The following PPP1R9A variants were observed in gnomAD, a reference collection of about 807,000 sequenced individuals.
PPP1R9A encodes protein phosphatase 1 regulatory subunit 9A.
A neutral mutation model predicts 141.9 loss-of-function variants in PPP1R9A; 59 were observed. The observed-to-expected ratio is 0.42, with a 90% CI of 0.34 to 0.52. The LOEUF (loss-of-function observed/expected upper bound fraction) is 0.52. PPP1R9A is among the 20% of genes least tolerant of loss of function. The pLI is 0.10. For missense variants in PPP1R9A, 1,444 were observed against 1,611.9 expected (o/e 0.90, Z 1.78); for synonymous variants, 500 against 569.7 (o/e 0.88, Z 1.74).
intron 2 of PPP1R9A, among the ~76,000 whole-genome samples, chr7:95,021,125 C>T (rs1337078572): frequency 6.6e-6 from 1 of 152,180 alleles, no homozygotes; most frequent in Non-Finnish European, 1.5e-5. Context: ...TCCACATCCT[C>T]TCCAGCATCT....
At chr7:95,103,976 C>T (rs1191192928) in intron 2 of PPP1R9A, among the ~76,000 whole-genome samples, 3 of 152,014 alleles carry the variant, frequency 2.0e-5, no homozygotes, top group Non-Finnish European at 4.4e-5. Context: ...CTAGGTATTT[C>T]AATCATGAAT....
intron 4 of PPP1R9A, among the ~76,000 whole-genome samples, chr7:95,125,239 C>G (rs567348491): frequency 1.3e-5 from 2 of 152,204 alleles, no homozygotes; most frequent in African/African-American, 4.8e-5. Context: ...CCTCAGCCTC[C>G]CAAGTAACTG....
intron 2 of PPP1R9A, among the ~76,000 whole-genome samples, chr7:94,919,038 C>A (rs1319471908): frequency 6.6e-6 from 1 of 152,200 alleles, no homozygotes; most frequent in Non-Finnish European, 1.5e-5. Flanking sequence ...GAGAGGATGG[C>A]TGAACAACTC....
chr7:94,977,724 T>C (rs1423211798), intron 2 of PPP1R9A, among the ~76,000 whole-genome samples: 1 of 151,824 alleles, frequency 6.6e-6, no homozygotes, highest in Non-Finnish European at 1.5e-5. Context: ...GGCTAGGTGG[T>C]GAAGGATGAC....
chr7:94,930,071 C>G (rs1793963466), intron 2 of PPP1R9A, among the ~76,000 whole-genome samples: 2 of 152,002 alleles, frequency 1.3e-5, no homozygotes, highest in Admixed American at 1.3e-4. Context: ...GTCTTTGATC[C>G]AATAGTTGCA....
At chr7:95,000,582 T>G (rs1395967488) in intron 2 of PPP1R9A, among the ~76,000 whole-genome samples, 2 of 152,158 alleles carry the variant, frequency 1.3e-5, no homozygotes, top group Non-Finnish European at 2.9e-5. Flanking sequence ...TCCTACCTAT[T>G]GGAAATATAA....
chr7:94,915,372 T>C (rs1425428133), intron 2 of PPP1R9A, among the ~76,000 whole-genome samples: 1 of 152,212 alleles, frequency 6.6e-6, no homozygotes, highest in East Asian at 1.9e-4. Context: ...TTGCGGAGGC[T>C]TCCTTTATAA....
At chr7:95,011,644 A>G (rs1804434338) in intron 2 of PPP1R9A, among the ~76,000 whole-genome samples, 1 of 152,220 alleles carries the variant, frequency 6.6e-6, no homozygotes, top group Non-Finnish European at 1.5e-5. Flanking sequence ...TGGAGAGAAC[A>G]ACTTTCAGTT....
At chr7:95,003,018 A>G (rs1164718672) in intron 2 of PPP1R9A, among the ~76,000 whole-genome samples, 1 of 152,192 alleles carries the variant, frequency 6.6e-6, no homozygotes. Flanking sequence ...AACTTGTAAA[A>G]AAAGTCCCAT....
At chr7:95,192,614 T>C (rs2152836241) in intron 5 of PPP1R9A, among the ~76,000 whole-genome samples, 1 of 152,182 alleles carries the variant, frequency 6.6e-6, no homozygotes, top group African/African-American at 2.4e-5. Context: ...ATATTTGTTC[T>C]GGTTAGTATA....
At chr7:95,232,234 T>C (rs568700124) in intron 8 of PPP1R9A, among the ~76,000 whole-genome samples, 1 of 152,110 alleles carries the variant, frequency 6.6e-6, no homozygotes, top group African/African-American at 2.4e-5. Context: ...GGCAGAGAGA[T>C]TGAAATGGTA....
chr7:95,040,659 A>G (rs959514242), intron 2 of PPP1R9A, among the ~76,000 whole-genome samples: 4 of 152,154 alleles, frequency 2.6e-5, no homozygotes, highest in African/African-American at 9.7e-5. Flanking sequence ...AATAGTGATC[A>G]TAGAGAACTT....
At chr7:95,016,817 TA>T (rs1344149581) in intron 2 of PPP1R9A, among the ~76,000 whole-genome samples, 1 of 152,154 alleles carries the variant, frequency 6.6e-6, no homozygotes, top group Non-Finnish European at 1.5e-5. Flanking sequence ...GCCATTGTAA[TA>T]AGGTATGTGT....
rs943826963 is a variant in PPP1R9A, at chr7:95,293,562, C to T, written c.*3259C>T. 1.3e-5 allele frequency: 2 copies of T among 152,166 alleles called. No homozygotes were observed. Among genetic ancestry groups the T allele is most frequent in the African/African-American group, 2.4e-5 (1 of 41,440 alleles). The allele number at this position is 152,166 out of a possible 1,614,324, so 9.4% of individuals were successfully genotyped here. A position where few individuals can be genotyped will look rare whatever the true frequency, so the allele number is the denominator to read the frequency against. ...AACTGGCACAAAATGGGACTGTCAC[C>T]TTTTGCTCCATTGTTGTTGGAAACA... On this transcript the variant is annotated 3_prime_UTR_variant, in exon 20 of 20. Transcript: ENST00000433360.
rs201530420 is a variant in PPP1R9A at position 95,106,764 on chromosome 7, CT to C, written c.1396-4488del. Among the ~76,000 whole-genome samples, 100 of 152,094 alleles carry C rather than the reference CT, an allele frequency of 6.6e-4. 1 individual carries two copies. The East Asian group carries it at 0.016, about 25-fold the overall frequency. The stretch of plus-strand genomic sequence containing the variant: ...TTATGCTTTCCTCTTCAAAAGTATC[CT>C]TTTTTTCTATATCCTCACAAACACT... On this transcript the variant is annotated intron_variant, in intron 2 of 19. Coordinates refer to ENST00000433360, the MANE Select transcript of PPP1R9A (RefSeq NM_001166160.2).
intron 2 of PPP1R9A, among the ~76,000 whole-genome samples, chr7:95,051,372 A>G (rs1416623128): frequency 6.6e-6 from 1 of 152,076 alleles, no homozygotes; most frequent in Admixed American, 6.6e-5. Context: ...CACTGTCTTG[A>G]TTACTGTAGT....
At chr7:95,154,844 G>A (rs1829328094) in intron 4 of PPP1R9A, 1 of 152,098 alleles carries the variant, frequency 6.6e-6, no homozygotes, top group African/African-American at 2.4e-5. Flanking sequence ...GTTATAAAAT[G>A]TTTTATGAAA....
chr7:95,293,861 A>G lies in PPP1R9A; in HGVS notation c.*3558A>G, dbSNP rs1458019681. 1 of 152,244 alleles carries G rather than the reference A, an allele frequency of 6.6e-6. No individual in the cohort carries two copies. The highest frequency in any genetic ancestry group is 1.5e-5 in the Non-Finnish European group (1 of 68,052). 9.4% of individuals were successfully genotyped at this position (152,244 alleles called of 1,614,324 possible). On this transcript the variant is annotated 3_prime_UTR_variant, in exon 20 of 20. Transcript: ENST00000433360. ...ATATAGATACTCTGATTCATGTTTA[A>G]GTGTTAAAGGTTATGCAGACTAAAC... is the stretch of plus-strand genomic sequence containing the variant.
At chr7:95,156,748 G>T (rs1292056820) in intron 4 of PPP1R9A, 1 of 152,246 alleles carries the variant, frequency 6.6e-6, no homozygotes, top group Non-Finnish European at 1.5e-5. Flanking sequence ...CCCTGGAGTG[G>T]ATTGTTCCAC....
Sources: gnomAD v4.1 joint callset for allele counts (sites outside exome capture counted in the v4.1 genomes callset) on GRCh38, gnomAD v4.1.1 for gene constraint, MANE v1.5 for transcripts, NCBI Gene and HGNC (gene_info 2026-07-23, HGNC 2026-07-21) for gene names.